MYT1L: variants seen among roughly 807,000 people sequenced by gnomAD.
The protein encoded by MYT1L is myelin transcription factor 1-like protein.
Under a neutral mutation model 126.7 loss-of-function variants are expected in MYT1L, and 12 were observed. The ratio of observed to expected loss-of-function variants is 0.09; its 90% CI spans 0.06 to 0.15. The LOEUF (loss-of-function observed/expected upper bound fraction) is 0.15. Among genes scored for constraint, MYT1L ranks in the 10% least tolerant of loss-of-function variants. The pLI is 1.00. For synonymous variants in MYT1L, 541 were observed against 604.2 expected (o/e 0.90, Z 1.53); for missense variants, 979 against 1,585.2 (o/e 0.62, Z 6.49).
chr2:2,184,066 G>A (rs1410513475), intron 2 of MYT1L, among the ~76,000 whole-genome samples: 1 of 149,512 alleles, frequency 6.7e-6, no homozygotes, highest in Non-Finnish European at 1.5e-5. Flanking sequence ...AGAAAAAAGG[G>A]GAGAGAGAAA....
chr2:2,271,898 A>C (rs1168555062), intron 2 of MYT1L, among the ~76,000 whole-genome samples: 2 of 152,214 alleles, frequency 1.3e-5, no homozygotes, highest in East Asian at 3.8e-4. Context: ...AGGTGGGTGG[A>C]TCAATGGTAG....
At chr2:1,934,155 T>C (rs960738279) in intron 9 of MYT1L, among the ~76,000 whole-genome samples, 1 of 151,390 alleles carries the variant, frequency 6.6e-6, no homozygotes, top group Non-Finnish European at 1.5e-5. Flanking sequence ...TTTGTATTTT[T>C]AGTAGAGACG....
chr2:2,172,753 G>A (rs1485253705), intron 3 of MYT1L, 119 bp downstream of exon 3: 1 of 151,686 alleles, frequency 6.6e-6, no homozygotes, highest in Non-Finnish European at 1.5e-5. Context: ...AGGGATACCT[G>A]TGCTCTGTCG....
intron 1 of MYT1L, among the ~76,000 whole-genome samples, chr2:2,284,914 T>C (rs2095496932): frequency 6.6e-6 from 1 of 152,118 alleles, no homozygotes; most frequent in Non-Finnish European, 1.5e-5. Context: ...ATGTGCTATG[T>C]TGGCCAGGGG....
chr2:1,815,951 C>T (rs1308327232), intron 21 of MYT1L, among the ~76,000 whole-genome samples: 1 of 152,226 alleles, frequency 6.6e-6, no homozygotes, highest in Non-Finnish European at 1.5e-5. Flanking sequence ...CAGCACGCTT[C>T]ATCACCAATG....
intron 2 of MYT1L, among the ~76,000 whole-genome samples, chr2:2,226,018 T>G (rs1306075065): frequency 6.6e-6 from 1 of 152,076 alleles, no homozygotes; most frequent in Non-Finnish European, 1.5e-5. Context: ...AGCACCATGT[T>G]AAGTCATGGC....
intron 1 of MYT1L, among the ~76,000 whole-genome samples, chr2:2,327,716 A>G (rs1039297754): frequency 2.0e-5 from 3 of 152,202 alleles, no homozygotes; most frequent in Non-Finnish European, 2.9e-5. Context: ...TGAAAATTAT[A>G]GCCCTGGTCT....
chr2:2,096,322 T>G (rs1168069896), intron 3 of MYT1L, among the ~76,000 whole-genome samples: 1 of 152,186 alleles, frequency 6.6e-6, no homozygotes, highest in African/African-American at 2.4e-5. Flanking sequence ...CCACTGTGCT[T>G]GGCAGCCTTG....
chr2:2,075,431 C>T (rs901315008), intron 3 of MYT1L, among the ~76,000 whole-genome samples: 2 of 152,092 alleles, frequency 1.3e-5, no homozygotes, highest in Admixed American at 1.3e-4. Flanking sequence ...TTAAGAGTTG[C>T]CATCTGAGGC....
At chr2:1,921,626 AG>A (rs1245226284) in intron 10 of MYT1L, among the ~76,000 whole-genome samples, 1 of 152,248 alleles carries the variant, frequency 6.6e-6, no homozygotes, top group Non-Finnish European at 1.5e-5. Context: ...ATCAGTTAAA[AG>A]GAATGAATAT....
chr2:2,229,551 C>T (rs2094109801), intron 2 of MYT1L, among the ~76,000 whole-genome samples: 1 of 152,020 alleles, frequency 6.6e-6, no homozygotes, highest in South Asian at 2.1e-4. Flanking sequence ...AAGTGATCCT[C>T]CCACCTCAGC....
chr2:1,931,782 CCTTTGCAT>C (rs1239189970), intron 9 of MYT1L, among the ~76,000 whole-genome samples: 1 of 152,140 alleles, frequency 6.6e-6, no homozygotes. Context: ...TTTCCCTGTG[CCTTTGCAT>C]CGGCTGCTGT....
intron 8 of MYT1L, among the ~76,000 whole-genome samples, chr2:1,957,042 A>G (rs141454449): frequency 1.3e-5 from 2 of 152,288 alleles, no homozygotes; most frequent in Non-Finnish European, 2.9e-5. Flanking sequence ...TGGCTGGGAC[A>G]CTGGTTGTGC....
intron 18 of MYT1L, among the ~76,000 whole-genome samples, chr2:1,877,529 A>G (rs2047061164): frequency 6.6e-6 from 1 of 152,162 alleles, no homozygotes; most frequent in African/African-American, 2.4e-5. Flanking sequence ...TTGTGCCAGA[A>G]GCAGGTGCTT....
intron 4 of MYT1L, among the ~76,000 whole-genome samples, chr2:2,007,645 G>A (rs1161314312): frequency 2.6e-5 from 4 of 151,214 alleles, no homozygotes; most frequent in African/African-American, 9.7e-5. Context: ...TTTTTCTTTT[G>A]GCCTAGGGAA....
intron 20 of MYT1L, among the ~76,000 whole-genome samples, chr2:1,840,512 G>T (rs1374802445): frequency 2.6e-5 from 4 of 151,864 alleles, no homozygotes; most frequent in Non-Finnish European, 5.9e-5. Context: ...TGGGGATTTG[G>T]GTTACATGGA....
At chr2:2,292,037 C>T (rs966623929) in intron 1 of MYT1L, among the ~76,000 whole-genome samples, 3 of 152,238 alleles carry the variant, frequency 2.0e-5, no homozygotes, top group Non-Finnish European at 4.4e-5. Context: ...CAGGGCGCTG[C>T]TCTCTGGGCC....
chr2:1,967,878 C>T (rs1285592813), intron 8 of MYT1L, among the ~76,000 whole-genome samples: 1 of 152,120 alleles, frequency 6.6e-6, no homozygotes, highest in Non-Finnish European at 1.5e-5. Flanking sequence ...GGGCAGGAGC[C>T]TAGACTCCAC....
intron 2 of MYT1L, among the ~76,000 whole-genome samples, chr2:2,225,108 G>GTT (rs879360021): frequency 2.0e-5 from 3 of 146,826 alleles, no homozygotes; most frequent in African/African-American, 2.5e-5. Context: ...CTGTTTAAAG[G>GTT]TTTTTTTTTT....
Sources: gnomAD v4.1 joint callset for allele counts (sites outside exome capture counted in the v4.1 genomes callset) on GRCh38, gnomAD v4.1.1 for gene constraint, MANE v1.5 for transcripts, NCBI Gene and HGNC (gene_info 2026-07-23, HGNC 2026-07-21) for gene names.